The following CCSER2 variants were observed in gnomAD, a reference collection of about 807,000 sequenced individuals.
CCSER2 encodes the protein coiled-coil serine rich protein 2.
Under a neutral mutation model 92.3 loss-of-function variants are expected in CCSER2, and 46 were observed. The observed-to-expected ratio is 0.50, with a 90% CI of 0.39 to 0.64. The LOEUF (loss-of-function observed/expected upper bound fraction) is 0.64, where lower values mean the gene tolerates loss of function less well. Ranked by LOEUF, CCSER2 falls within the 30% of genes least tolerant of loss-of-function variation. The pLI, the probability that CCSER2 is intolerant of heterozygous loss-of-function variation, is 0.00. For synonymous variants in CCSER2, 433 were observed against 431.4 expected (o/e 1.00, Z -0.04); for missense variants, 1,244 against 1,238.9 (o/e 1.00, Z -0.06).
intron 5 of CCSER2, among the ~76,000 whole-genome samples, chr10:84,436,283 G>A (rs1589658625): frequency 1.7e-5 from 2 of 116,904 alleles, no homozygotes. Context: ...CCGAGATCAC[G>A]CCACTGCACT....
chr10:84,450,586 A>G (rs1445919152), intron 6 of CCSER2, among the ~76,000 whole-genome samples: 2 of 152,212 alleles, frequency 1.3e-5, no homozygotes, highest in Non-Finnish European at 2.9e-5. Flanking sequence ...AATAAATCAT[A>G]GAGCTGGGAC....
chr10:84,407,050 C>A (rs1213104674), intron 3 of CCSER2, among the ~76,000 whole-genome samples: 1 of 152,192 alleles, frequency 6.6e-6, no homozygotes, highest in African/African-American at 2.4e-5. Flanking sequence ...AGTAATCTTA[C>A]TCTACGGTGT....
chr10:84,507,743 G>T (rs149612081), intron 9 of CCSER2, among the ~76,000 whole-genome samples: 3 of 152,078 alleles, frequency 2.0e-5, no homozygotes, highest in Non-Finnish European at 4.4e-5. Context: ...TTGAAGTGTC[G>T]TAAAACAGTA....
chr10:84,392,759 G>A (rs1475894663), intron 3 of CCSER2, among the ~76,000 whole-genome samples: 1 of 152,070 alleles, frequency 6.6e-6, no homozygotes, highest in Non-Finnish European at 1.5e-5. Flanking sequence ...ACCTTTTTTG[G>A]GGTGTGCAGG....
rs1432736033 is a variant in CCSER2, at chr10:84,328,753, T to C, written c.-95T>C. 6.6e-6 allele frequency: 1 copy of C among 150,878 alleles called. No homozygotes were observed. The highest frequency in any genetic ancestry group is 2.0e-4 in the East Asian group (1 of 5,112). 9.3% of individuals were successfully genotyped at this position (150,878 alleles called of 1,614,324 possible). The stretch of plus-strand genomic sequence containing the variant: ...CACCTTCCGTCCTCGGGCCCGCAGG[T>C]CGCAGGGCGGCCTGCAGCTGGGCCG... On this transcript the variant is annotated 5_prime_UTR_variant, in exon 1 of 10. Transcript: ENST00000372088.
intron 4 of CCSER2, among the ~76,000 whole-genome samples, chr10:84,420,064 GTAA>G (rs1373177578): frequency 6.6e-6 from 1 of 152,192 alleles, no homozygotes; most frequent in Non-Finnish European, 1.5e-5. Context: ...CACATGCTAG[GTAA>G]TGCATTTTAC....
chr10:84,351,530 G>C (rs944395812), intron 1 of CCSER2, among the ~76,000 whole-genome samples: 2 of 152,100 alleles, frequency 1.3e-5, no homozygotes, highest in Non-Finnish European at 2.9e-5. Context: ...GTGCCACCAT[G>C]TCTGGCTTTA....
Position 84,329,674 on chromosome 10 carries a change from C to T in CCSER2, c.-40+866C>T, listed in dbSNP as rs77495383. Among the ~76,000 whole-genome samples, 15 of 152,232 alleles carry T rather than the reference C, an allele frequency of 9.9e-5. No homozygotes were observed. In the East Asian group the frequency reaches 2.7e-3, roughly 27 times the overall value. ...TTTTTTTAAAGCATCATCTTTTAGACTAGAGACTTTAGAGATGGCAGCTGC... is the reference window on the plus strand; with the variant it reads ...TTTTTTTAAAGCATCATCTTTTAGATTAGAGACTTTAGAGATGGCAGCTGC... On this transcript the variant is annotated intron_variant, in intron 1 of 9. Coordinates refer to ENST00000372088, the MANE Select transcript of CCSER2 (RefSeq NM_001284240.2).
intron 3 of CCSER2, chr10:84,374,093 C>A: frequency 1.5e-6 from 1 of 649,390 alleles, no homozygotes; most frequent in South Asian, 2.8e-5. Flanking sequence ...GCCAGTGGTT[C>A]TCAAAGACTG....
At chr10:84,409,664 A>G (rs1031198653) in intron 3 of CCSER2, among the ~76,000 whole-genome samples, 3 of 152,098 alleles carry the variant, frequency 2.0e-5, no homozygotes, top group African/African-American at 7.2e-5. Flanking sequence ...AGCATAAGGA[A>G]CATTTTGGAG....
chr10:84,457,616 TTATATATTTATATATTATATATAATTA>T (rs1564686110), intron 6 of CCSER2, among the ~76,000 whole-genome samples: 2 of 90,008 alleles, frequency 2.2e-5, no homozygotes, highest in Non-Finnish European at 4.4e-5. Flanking sequence ...TTATATATAA[TTATATATTTATATATTATATATAATTA>T]TATATAATTA....
intron 7 of CCSER2, among the ~76,000 whole-genome samples, chr10:84,467,217 C>A (rs753220060): frequency 2.0e-5 from 3 of 152,122 alleles, no homozygotes; most frequent in Non-Finnish European, 4.4e-5. Flanking sequence ...TCTCTGGAAT[C>A]CCTCATACCT....
At chr10:84,398,126 C>T (rs1841938614) in intron 3 of CCSER2, among the ~76,000 whole-genome samples, 1 of 152,200 alleles carries the variant, frequency 6.6e-6, no homozygotes, top group Non-Finnish European at 1.5e-5. Flanking sequence ...TAGGTGCCTT[C>T]CTGGAGACTC....
At chr10:84,449,786 G>A (rs907355620) in intron 6 of CCSER2, among the ~76,000 whole-genome samples, 2 of 152,162 alleles carry the variant, frequency 1.3e-5, no homozygotes, top group African/African-American at 4.8e-5. Context: ...GGCAGAGGTT[G>A]CGGTGAGCTG....
At chr10:84,356,060 G>C (rs1344365268) in intron 1 of CCSER2, among the ~76,000 whole-genome samples, 1 of 147,712 alleles carries the variant, frequency 6.8e-6, no homozygotes, top group African/African-American at 2.5e-5. Context: ...CCAAGATCAT[G>C]CCATTGCACT....
intron 9 of CCSER2, among the ~76,000 whole-genome samples, chr10:84,491,451 C>A (rs1303391279): frequency 6.6e-6 from 1 of 152,192 alleles, no homozygotes; most frequent in Admixed American, 6.5e-5. Flanking sequence ...AGACACCCCT[C>A]CCCCAGCCTT....
chr10:84,381,053 C>T (rs746435813), intron 3 of CCSER2, among the ~76,000 whole-genome samples: 14 of 152,078 alleles, frequency 9.2e-5, no homozygotes, highest in Non-Finnish European at 1.9e-4. Context: ...ACCTCCAGGG[C>T]TGATGTTAGG....
intron 9 of CCSER2, among the ~76,000 whole-genome samples, chr10:84,500,818 T>C (rs532411824): frequency 5.3e-5 from 8 of 152,348 alleles, no homozygotes; most frequent in East Asian, 3.9e-4. Flanking sequence ...TTTTTCATTA[T>C]CCATTTCCAT....
chr10:84,501,834 A>AAAAATATATATATATAT (rs1167460274), intron 9 of CCSER2, among the ~76,000 whole-genome samples: 5 of 40,166 alleles, frequency 1.2e-4, no homozygotes, highest in African/African-American at 2.3e-4. Context: ...AAAAAAAAAA[A>AAAAATATATATATATAT]ATATATATAT....
Sources: gnomAD v4.1 joint callset for allele counts (sites outside exome capture counted in the v4.1 genomes callset) on GRCh38, gnomAD v4.1.1 for gene constraint, MANE v1.5 for transcripts, NCBI Gene and HGNC (gene_info 2026-07-23, HGNC 2026-07-21) for gene names.